Variants in VAT1L observed in about 807,000 individuals in gnomAD.
VAT1L encodes vesicle amine transport 1 like.
Under a neutral mutation model 44.1 loss-of-function variants are expected in VAT1L, and 34 were observed. That is an observed-to-expected ratio of 0.77 (90% CI 0.59 to 1.03). VAT1L has a LOEUF of 1.03. Among genes scored for constraint, VAT1L ranks in the 50% least tolerant of loss-of-function variants. The pLI, the probability that VAT1L is intolerant of heterozygous loss-of-function variation, is 0.00. For synonymous variants in VAT1L, 253 were observed against 202.2 expected, an observed-to-expected ratio of 1.25 and a Z score of -2.13; for missense variants, 615 against 538.8, an observed-to-expected ratio of 1.14 and a Z score of -1.40.
At chr16:77,961,793 C>A (rs2018162904) in intron 7 of VAT1L, among the ~76,000 whole-genome samples, 1 of 152,196 alleles carries the variant, frequency 6.6e-6, no homozygotes, top group African/African-American at 2.4e-5. Flanking sequence ...TTACTCCCAG[C>A]TCCTCCACTA....
intron 7 of VAT1L, among the ~76,000 whole-genome samples, chr16:77,966,178 A>C (rs1457204456): frequency 6.6e-6 from 1 of 152,164 alleles, no homozygotes; most frequent in Non-Finnish European, 1.5e-5. Flanking sequence ...TAATTTGAAA[A>C]TTTTTAGCCA....
At chr16:77,876,941 C>T (rs2017093893) in intron 5 of VAT1L, among the ~76,000 whole-genome samples, 1 of 152,154 alleles carries the variant, frequency 6.6e-6, no homozygotes, top group Admixed American at 6.5e-5. Flanking sequence ...CTGAGCATCC[C>T]ACGCAAGACA....
Position 77,825,241 on chromosome 16 carries a change from C to A in VAT1L, c.364-5C>A. Reference sequence around the variant, plus strand: ...TCCACTAACTCTGTGTTTCCCCATGCCCAGATTGGAGACCGTGTCATGGCA... The same window carrying A: ...TCCACTAACTCTGTGTTTCCCCATGACCAGATTGGAGACCGTGTCATGGCA... On this transcript the variant is annotated splice_polypyrimidine_tract_variant and splice_region_variant and intron_variant, in intron 2 of 8. Transcript: ENST00000302536. The A allele has an allele frequency of 6.2e-7, 1 of 1,613,920 alleles. No individual in the cohort carries two copies. The highest frequency in any genetic ancestry group is 8.5e-7 in the Non-Finnish European group (1 of 1,180,004).
chr16:77,908,112 G>GCCTGTAGTC (rs2017457269), intron 7 of VAT1L, among the ~76,000 whole-genome samples: 1 of 151,940 alleles, frequency 6.6e-6, no homozygotes, highest in South Asian at 2.1e-4. Flanking sequence ...GGTGGCGGAC[G>GCCTGTAGTC]CCTGTAGTCC....
At chr16:77,966,009 A>T (rs1376549243) in intron 7 of VAT1L, among the ~76,000 whole-genome samples, 1 of 152,214 alleles carries the variant, frequency 6.6e-6, no homozygotes, top group Non-Finnish European at 1.5e-5. Flanking sequence ...CTCTCAGTGT[A>T]AAATACACCC....
chr16:77,958,883 C>G (rs1034649370), intron 7 of VAT1L, among the ~76,000 whole-genome samples: 4 of 152,180 alleles, frequency 2.6e-5, no homozygotes, highest in African/African-American at 9.7e-5. Flanking sequence ...CTTTAAAAAT[C>G]CTCTTGAAGA....
intron 7 of VAT1L, among the ~76,000 whole-genome samples, chr16:77,949,046 T>C (rs1361709272): frequency 6.6e-6 from 1 of 152,174 alleles, no homozygotes; most frequent in African/African-American, 2.4e-5. Flanking sequence ...CAGTAATCTG[T>C]ATCTATCAGT....
intron 7 of VAT1L, among the ~76,000 whole-genome samples, chr16:77,893,974 G>C (rs900939234): frequency 2.6e-5 from 4 of 152,208 alleles, no homozygotes; most frequent in African/African-American, 9.6e-5. Flanking sequence ...CCCTAGTGGT[G>C]ATAATTGTTA....
At chr16:77,973,275 T>C (rs983437392) in intron 8 of VAT1L, among the ~76,000 whole-genome samples, 19 of 152,196 alleles carry the variant, frequency 1.2e-4, no homozygotes, top group African/African-American at 4.6e-4. Flanking sequence ...TTGTCTGATA[T>C]GTACTAAGTT....
chr16:77,797,537 G>T (rs1321225714), intron 1 of VAT1L, among the ~76,000 whole-genome samples: 1 of 152,186 alleles, frequency 6.6e-6, no homozygotes, highest in Non-Finnish European at 1.5e-5. Flanking sequence ...TTGCTGCAGG[G>T]ATTTCTTTGC....
chr16:77,966,842 T>C (rs978854625), intron 7 of VAT1L, among the ~76,000 whole-genome samples: 5 of 151,070 alleles, frequency 3.3e-5, no homozygotes, highest in South Asian at 2.1e-4. Context: ...ACTTGCCACA[T>C]TGACTAGTGG....
At chr16:77,847,013 A>G (rs2016764249) in intron 3 of VAT1L, among the ~76,000 whole-genome samples, 1 of 152,190 alleles carries the variant, frequency 6.6e-6, no homozygotes, top group Non-Finnish European at 1.5e-5. Context: ...GTGATTTACA[A>G]TGGCATAAAT....
At chr16:77,887,490 A>G (rs140280750) in intron 7 of VAT1L, among the ~76,000 whole-genome samples, 22 of 152,306 alleles carry the variant, frequency 1.4e-4, no homozygotes, top group South Asian at 2.1e-4. Context: ...AAGCCTCCCA[A>G]TGGAGAAGCT....
At chr16:77,881,625 G>A (rs570467392) in intron 6 of VAT1L, among the ~76,000 whole-genome samples, 2 of 152,320 alleles carry the variant, frequency 1.3e-5, no homozygotes, top group East Asian at 3.9e-4. Context: ...AAACATTCTG[G>A]AATGGATAAT....
At chr16:77,820,780 G>C (rs1315168517) in intron 2 of VAT1L, among the ~76,000 whole-genome samples, 1 of 152,156 alleles carries the variant, frequency 6.6e-6, no homozygotes, top group Non-Finnish European at 1.5e-5. Context: ...GTTCTTGTGG[G>C]AATTATATAA....
chr16:77,849,249 C>T (rs2016785875), intron 3 of VAT1L, among the ~76,000 whole-genome samples: 2 of 152,120 alleles, frequency 1.3e-5, no homozygotes, highest in African/African-American at 4.8e-5. Flanking sequence ...TAAATGTCCA[C>T]TGAATGAAAC....
At position 77,860,835 on chromosome 16, in the gene VAT1L, C is replaced by T. The variant is rs75797301; in HGVS notation, c.580-1913C>T. Among the ~76,000 whole-genome samples the T allele has an allele frequency of 1.6e-4, 25 of 152,310 alleles. No homozygotes were observed. The East Asian group carries it at 4.4e-3, about 27-fold the overall frequency. On this transcript the variant is annotated intron_variant, in intron 3 of 8. Coordinates refer to ENST00000302536, the MANE Select transcript of VAT1L (RefSeq NM_020927.3). ...TCATGCCCATATTCTGAAATGTTGA[C>T]CTCCAAGGGAGTGTGCCAGCAACAT...
intron 7 of VAT1L, among the ~76,000 whole-genome samples, chr16:77,930,253 G>C (rs1277721173): frequency 1.3e-5 from 2 of 152,116 alleles, no homozygotes; most frequent in Admixed American, 1.3e-4. Flanking sequence ...TGTATTGTCT[G>C]TCTTTCCTGG....
chr16:77,800,646 A>T (rs1307476500), intron 1 of VAT1L: 1 of 152,066 alleles, frequency 6.6e-6, no homozygotes, highest in Admixed American at 6.6e-5. Flanking sequence ...AGCCACCCAG[A>T]ATATGTCCCC....
Sources: allele counts gnomAD v4.1 joint callset (sites outside exome capture counted in the v4.1 genomes callset), GRCh38; gene constraint gnomAD v4.1.1; transcripts MANE v1.5; gene names NCBI Gene and HGNC (gene_info 2026-07-23, HGNC 2026-07-21).